The following CXCL6 variants were observed in gnomAD, a reference collection of about 807,000 sequenced individuals.
CXCL6 encodes C-X-C motif chemokine ligand 6.
In CXCL6, 18 loss-of-function variants were observed where a neutral mutation model predicts 10.5. The ratio of observed to expected loss-of-function variants is 1.71; its 90% confidence interval spans 1.18 to 2.54. The LOEUF (loss-of-function observed/expected upper bound fraction) is 2.54, where lower values mean the gene tolerates loss of function less well. CXCL6 is among the 30% of genes most tolerant of loss of function. CXCL6 has a pLI of 0.00. For missense variants in CXCL6, 171 were observed against 145.7 expected, an observed-to-expected ratio of 1.17 and a Z score of -0.90; for synonymous variants, 82 against 68.3, an observed-to-expected ratio of 1.20 and a Z score of -0.99.
At chr4:73,837,311 G>T (rs925068282) in intron 3 of CXCL6, 25 bp downstream of exon 3, 1 of 1,576,640 alleles carries the variant, frequency 6.3e-7, no homozygotes, top group East Asian at 2.2e-5. Context: ...GATCTTTGTG[G>T]TGTTTTAATA....
rs1050023950 is a variant in CXCL6 at position 73,838,605 on chromosome 4, T to C, written c.*964T>C. 2.6e-5 allele frequency: 4 copies of C among 152,662 alleles called. No homozygotes were observed. The highest frequency in any genetic ancestry group is 9.6e-5 in the African/African-American group (4 of 41,462). The allele number at this position is 152,662 out of a possible 1,614,324, so 9.5% of individuals were successfully genotyped here. On this transcript the variant is annotated 3_prime_UTR_variant, in exon 4 of 4. Coordinates refer to ENST00000226317, the MANE Select transcript of CXCL6 (RefSeq NM_002993.4). Reference sequence around the variant, plus strand: ...TGCTAAGATTTTCAGATATCTATTGTGGATCTTTTAAAGGTTTTGACCATT... The same window carrying C: ...TGCTAAGATTTTCAGATATCTATTGCGGATCTTTTAAAGGTTTTGACCATT...
chr4:73,837,561 A>G (rs905706296), intron 3 of CXCL6, 62 bp from the exon 4 acceptor site: 3 of 1,528,376 alleles, frequency 2.0e-6, no homozygotes, highest in South Asian at 2.4e-5. Context: ...GCTTTTGAAA[A>G]CCAAATGTAG....
intron 3 of CXCL6, 30 bp from the exon 4 acceptor site, chr4:73,837,593 G>T (rs1421520709): frequency 6.4e-7 from 1 of 1,565,314 alleles, no homozygotes; most frequent in African/African-American, 1.4e-5. Flanking sequence ...GTGGGAATTG[G>T]TTATACTAAT....
In CXCL6 at chr4:73,836,963, G is replaced by A. The variant is rs370325279; in HGVS notation, c.110-1G>A. ...CCTATAAAAATGTCTTTCTTCCCCA[G>A]CTGGTCCTGTCTCTGCTGTGCTGAC... is the stretch of plus-strand genomic sequence containing the variant. On this transcript the variant is annotated splice_acceptor_variant, in intron 1 of 3. Transcript: ENST00000226317. LOFTEE classifies it high-confidence loss of function. 2 of 1,605,906 alleles carry A rather than the reference G, an allele frequency of 1.2e-6. No homozygotes were observed. Among genetic ancestry groups the A allele is most frequent in the Non-Finnish European group, 1.7e-6 (2 of 1,175,950 alleles).
At chr4:73,837,438 T>C in intron 3 of CXCL6, 152 bp downstream of exon 3, 3 of 948,414 alleles carry the variant, frequency 3.2e-6, no homozygotes, top group Non-Finnish European at 4.8e-6. Context: ...TGGAATGTTC[T>C]GGGTAAACCT....
rs779404333 is a variant in CXCL6, at chr4:73,837,620, C to G, written c.327-3C>G. 6.4e-7 allele frequency: 1 copy of G among 1,557,074 alleles called. No individual in the cohort carries two copies. The highest frequency in any genetic ancestry group is 8.6e-7 in the Non-Finnish European group (1 of 1,163,542). ...TATACTAATATAACTCTTTTCTCAACAGTGGAAACAAGAAAAACTGAGTAA... is the reference window on the plus strand; with the variant it reads ...TATACTAATATAACTCTTTTCTCAAGAGTGGAAACAAGAAAAACTGAGTAA... On this transcript the variant is annotated splice_region_variant and splice_polypyrimidine_tract_variant and intron_variant, in intron 3 of 3. Coordinates refer to ENST00000226317, the MANE Select transcript of CXCL6 (RefSeq NM_002993.4).
At chr4:73,837,503 A>G (rs1731130442) in intron 3 of CXCL6, 120 bp from the exon 4 acceptor site, 2 of 1,058,186 alleles carry the variant, frequency 1.9e-6, no homozygotes, top group South Asian at 1.4e-5. Context: ...ACTGACATCT[A>G]TTTTTTGTCT....
At position 73,836,764 on chromosome 4, in the gene CXCL6, C is replaced by G. The variant is rs185031743; in HGVS notation, c.14C>G (p.Ser5Cys). The G allele has an allele frequency of 1.9e-6, 3 of 1,610,536 alleles. No homozygotes were observed. Among genetic ancestry groups the G allele is most frequent in the South Asian group, 1.1e-5 (1 of 90,788 alleles). The change falls in exon 1 of 4, where the codon TCC becomes TGC. Residue 5 changes from serine to cysteine, a missense_variant. Transcript: ENST00000226317. MSLP[S>C]SRAARVPGPS... ...CTCTTGACCACTATGAGCCTCCCGT[C>G]CAGCCGCGCGGCCCGTGTCCCGGGT...
At position 73,837,629 on chromosome 4, in the gene CXCL6, C is replaced by G. The variant is rs141128477; in HGVS notation, c.333C>G (p.Asn111Lys). Residue 111 changes from asparagine (N) to lysine (K), a missense_variant, in exon 4 of 4, where the codon AAC (asparagine) becomes AAG (lysine). Asn to Lys is a moderately conservative substitution (Grantham distance 94, BLOSUM62 0). Coordinates refer to ENST00000226317, the MANE Select transcript of CXCL6 (RefSeq NM_002993.4). Reference sequence around the variant, plus strand: ...ATAACTCTTTTCTCAACAGTGGAAACAAGAAAAACTGAGTAACAAAAAAGA... The same window carrying G: ...ATAACTCTTTTCTCAACAGTGGAAAGAAGAAAAACTGAGTAACAAAAAAGA... The part of the protein sequence containing the change: ...KVIQKILDSG[N>K]KKN The G allele has an allele frequency of 6.4e-7, 1 of 1,553,402 alleles. No individual in the cohort carries two copies. Among genetic ancestry groups the G allele is most frequent in the Non-Finnish European group, 8.6e-7 (1 of 1,162,100 alleles).
In CXCL6 at chr4:73,838,718, C is replaced by G. The variant is rs936174355; in HGVS notation, c.*1077C>G. The G allele has an allele frequency of 2.3e-4, 35 of 152,500 alleles. 1 individual carries two copies. Among genetic ancestry groups the G allele is most frequent in the African/African-American group, 4.8e-5 (2 of 41,414 alleles). The allele number at this position is 152,500 out of a possible 1,614,324, so 9.4% of individuals were successfully genotyped here. A position where few individuals can be genotyped will look rare whatever the true frequency, so the allele number is the denominator to read the frequency against. On this transcript the variant is annotated 3_prime_UTR_variant, in exon 4 of 4. Transcript: ENST00000226317. ...CTGTGTGTCATGTTGGTTTTTGGTA[C>G]TTGTATTGTCATTTGGAGAAACAAT...
At position 73,836,784 on chromosome 4, in the gene CXCL6, C is replaced by G. The variant is rs773879713; in HGVS notation, c.34C>G (p.Pro12Ala). The G allele has an allele frequency of 6.2e-7, 1 of 1,611,798 alleles. No homozygotes were observed. Among genetic ancestry groups the G allele is most frequent in the Non-Finnish European group, 8.5e-7 (1 of 1,179,394 alleles). ...CCCGTCCAGCCGCGCGGCCCGTGTC[C>G]CGGGTCCTTCGGGCTCCTTGTGCGC... ...SLPSSRAARV[P>A]GPSGSLCALL... Residue 12 changes from proline (P) to alanine (A), a missense_variant, in exon 1 of 4, where the codon CCG becomes GCG. Coordinates refer to ENST00000226317, the MANE Select transcript of CXCL6 (RefSeq NM_002993.4).
At position 73,838,678 on chromosome 4, in the gene CXCL6, C is replaced by A. The variant is rs1369948629; in HGVS notation, c.*1037C>A. The A allele has an allele frequency of 6.6e-6, 1 of 152,506 alleles. No homozygotes were observed. The highest frequency in any genetic ancestry group is 2.4e-5 in the African/African-American group (1 of 41,416). The allele number at this position is 152,506 out of a possible 1,614,324, so 9.4% of individuals were successfully genotyped here. Reference sequence around the variant, plus strand: ...TATCACATTCACTATATTAAAATTGCACTTTTATTTTTTCCTGTGTGTCAT... The same window carrying A: ...TATCACATTCACTATATTAAAATTGAACTTTTATTTTTTCCTGTGTGTCAT... On this transcript the variant is annotated 3_prime_UTR_variant, in exon 4 of 4. Transcript: ENST00000226317.
intron 1 of CXCL6, 42 bp downstream of exon 1, chr4:73,836,901 G>T: frequency 6.2e-7 from 1 of 1,607,590 alleles, no homozygotes; most frequent in Non-Finnish European, 8.5e-7. Context: ...GCCTCTGCGG[G>T]GCCGCTGCGT....
chr4:73,837,601 A>G (rs1320459826), intron 3 of CXCL6, 22 bp from the exon 4 acceptor site: 1 of 1,564,948 alleles, frequency 6.4e-7, no homozygotes, highest in Non-Finnish European at 8.6e-7. Context: ...TGGTTATACT[A>G]ATATAACTCT....
Position 73,838,621 on chromosome 4 carries a change from T to G in CXCL6, c.*980T>G, listed in dbSNP as rs1440257690. On this transcript the variant is annotated 3_prime_UTR_variant, in exon 4 of 4. Transcript: ENST00000226317. ...TATCTATTGTGGATCTTTTAAAGGT[T>G]TTGACCATTTTGTTATGAGGAATTA... 1 of 152,656 alleles carries G rather than the reference T, an allele frequency of 6.6e-6. No homozygotes were observed. Among genetic ancestry groups the G allele is most frequent in the Non-Finnish European group, 1.5e-5 (1 of 68,046 alleles). The allele number at this position is 152,656 out of a possible 1,614,324, so 9.5% of individuals were successfully genotyped here. A position where few individuals can be genotyped will look rare whatever the true frequency, so the allele number is the denominator to read the frequency against.
rs1731136298 is a variant in CXCL6, at chr4:73,837,711, A to T, written c.*70A>T. 1 of 1,332,270 alleles carries T rather than the reference A, an allele frequency of 7.5e-7. No homozygotes were observed. The highest frequency in any genetic ancestry group is 1.4e-5 in the South Asian group (1 of 69,554). 82.5% of individuals were successfully genotyped at this position (1,332,270 alleles called of 1,614,324 possible). ...GGAGCAGTTTTCTGGAGATCCCTGG[A>T]CCCAGTAAGAATAAGAAGGAAGGGT... On this transcript the variant is annotated 3_prime_UTR_variant, in exon 4 of 4. Transcript: ENST00000226317.
chr4:73,836,819 G>A lies in CXCL6; in HGVS notation c.69G>A (p.Ala23=), dbSNP rs1232199128. 2.5e-6 allele frequency: 4 copies of A among 1,612,318 alleles called. No homozygotes were observed. The highest frequency in any genetic ancestry group is 3.4e-6 in the Non-Finnish European group (4 of 1,179,318). The stretch of plus-strand genomic sequence containing the variant: ...CGGGCTCCTTGTGCGCGCTGCTCGC[G>A]CTGCTGCTCCTGCTGACGCCGCCGG... ...GPSGSLCALL[A]LLLLLTPPGP... is the part of the protein sequence containing the mutation. Residue 23 remains alanine, a synonymous_variant, in exon 1 of 4, where the codon GCG becomes GCA. Coordinates refer to ENST00000226317, the MANE Select transcript of CXCL6 (RefSeq NM_002993.4).
At position 73,837,665 on chromosome 4, in the gene CXCL6, T is replaced by A; in HGVS notation, c.*24T>A. ...GAGTAACAAAAAAGACCATGCATCA[T>A]AAAATTGCCCAGTCTTCAGCGGAGC... On this transcript the variant is annotated 3_prime_UTR_variant, in exon 4 of 4. Transcript: ENST00000226317. 1 of 1,547,664 alleles carries A rather than the reference T, an allele frequency of 6.5e-7. No individual in the cohort carries two copies. The highest frequency in any genetic ancestry group is 2.5e-5 in the Admixed American group (1 of 40,340).
rs1402086761 is a variant in CXCL6 at position 73,838,177 on chromosome 4, T to C, written c.*536T>C. 2.6e-5 allele frequency: 4 copies of C among 152,416 alleles called. No homozygotes were observed. The highest frequency in any genetic ancestry group is 9.6e-5 in the African/African-American group (4 of 41,592). The allele number at this position is 152,416 out of a possible 1,614,324, so 9.4% of individuals were successfully genotyped here. ...TTTAAGTTGTACTGTATTAGAACACTGGGTGTGTCATACCGTTATCTGTGC... is the reference window on the plus strand; with the variant it reads ...TTTAAGTTGTACTGTATTAGAACACCGGGTGTGTCATACCGTTATCTGTGC... On this transcript the variant is annotated 3_prime_UTR_variant, in exon 4 of 4. Transcript: ENST00000226317.
Sources: allele counts gnomAD v4.1 joint callset, GRCh38; gene constraint gnomAD v4.1.1; transcripts MANE v1.5; gene names NCBI Gene and HGNC (gene_info 2026-07-23, HGNC 2026-07-21).